Variants in ALPK3 observed in about 807,000 individuals in gnomAD.
ALPK3 encodes the protein alpha kinase 3.
Under a neutral mutation model 140.0 loss-of-function variants are expected in ALPK3, and 102 were observed. The observed-to-expected ratio is 0.73, with a 90% CI of 0.62 to 0.86. The LOEUF (loss-of-function observed/expected upper bound fraction) is 0.86, where lower values mean the gene tolerates loss of function less well. Among genes scored for constraint, ALPK3 ranks in the 40% least tolerant of loss-of-function variants. The pLI is 0.00. For missense variants in ALPK3, 2,254 were observed against 2,208.2 expected (o/e 1.02, Z -0.42); for synonymous variants, 938 against 898.5 (o/e 1.04, Z -0.79).
Position 84,842,836 on chromosome 15 carries a change from A to T in ALPK3, c.1653+1904A>T, listed in dbSNP as rs57395173. Among the ~76,000 whole-genome samples, 695 of 152,244 alleles carry T rather than the reference A, an allele frequency of 4.6e-3. 10 individuals carry two copies. The highest frequency in any genetic ancestry group is 0.016 in the African/African-American group (662 of 41,522). On this transcript the variant is annotated intron_variant, in intron 5 of 13. Coordinates refer to ENST00000258888, the MANE Select transcript of ALPK3 (RefSeq NM_020778.5). ...GTCTCCTGTAGTTTTGGCCACTGGA[A>T]TGGTAAGTTCACAGTGGCCCGGGGA... is the stretch of plus-strand genomic sequence containing the variant.
At chr15:84,841,887 C>T (rs1963671125) in intron 5 of ALPK3, among the ~76,000 whole-genome samples, 1 of 152,098 alleles carries the variant, frequency 6.6e-6, no homozygotes, top group Admixed American at 6.5e-5. Context: ...GACAGTGTTT[C>T]TTATGAGTGG....
chr15:84,823,560 C>A (rs760079200), intron 2 of ALPK3, among the ~76,000 whole-genome samples, 192 bp downstream of exon 2: 1 of 152,092 alleles, frequency 6.6e-6, no homozygotes, highest in Non-Finnish European at 1.5e-5. Context: ...TTGATGCTTG[C>A]ATGGGCCATT....
intron 3 of ALPK3, among the ~76,000 whole-genome samples, chr15:84,832,635 G>A (rs184915153): frequency 1.4e-4 from 22 of 152,174 alleles, no homozygotes; most frequent in African/African-American, 4.8e-4. Context: ...CAACAAGATC[G>A]TGACATCTAC....
intron 5 of ALPK3, among the ~76,000 whole-genome samples, chr15:84,854,477 G>A (rs1319213792): frequency 6.6e-6 from 1 of 152,044 alleles, no homozygotes; most frequent in Non-Finnish European, 1.5e-5. Context: ...AGTAGAAATG[G>A]GGTTTTACTA....
intron 5 of ALPK3, among the ~76,000 whole-genome samples, chr15:84,855,846 G>A (rs1031237480): frequency 2.6e-5 from 4 of 152,232 alleles, no homozygotes; most frequent in African/African-American, 9.6e-5. Context: ...TGGCATAGAT[G>A]CCATTCAGAA....
chr15:84,859,664 A>G (rs1196945856), intron 7 of ALPK3, 112 bp from the exon 8 acceptor site: 3 of 1,428,498 alleles, frequency 2.1e-6, no homozygotes, highest in Admixed American at 2.7e-5. Flanking sequence ...GCTTCCCCAA[A>G]GCTCTCAGAG....
At chr15:84,848,253 A>G (rs1229937095) in intron 5 of ALPK3, among the ~76,000 whole-genome samples, 1 of 152,066 alleles carries the variant, frequency 6.6e-6, no homozygotes. Flanking sequence ...AAAGTAAAAA[A>G]AAAAAATTAC....
chr15:84,847,223 GA>G (rs1963742323), intron 5 of ALPK3, among the ~76,000 whole-genome samples: 5 of 149,778 alleles, frequency 3.3e-5, no homozygotes, highest in African/African-American at 1.2e-4. Context: ...GAGAGAGAGA[GA>G]GAGAGAGAGA....
chr15:84,851,055 T>G (rs891578843), intron 5 of ALPK3, among the ~76,000 whole-genome samples: 1 of 152,152 alleles, frequency 6.6e-6, no homozygotes, highest in African/African-American at 2.4e-5. Flanking sequence ...ATTCACAGAT[T>G]AGCAGATGAC....
At position 84,840,388 on chromosome 15, in the gene ALPK3, C is replaced by T; in HGVS notation, c.1109C>T (p.Pro370Leu). 2 of 1,613,856 alleles carry T rather than the reference C, an allele frequency of 1.2e-6. No individual in the cohort carries two copies. The highest frequency in any genetic ancestry group is 8.5e-7 in the Non-Finnish European group (1 of 1,179,870). The change falls in exon 5 of 14, where the codon CCC becomes CTC. Residue 370 changes from proline (P) to leucine (L), a missense_variant. Coordinates refer to ENST00000258888, the MANE Select transcript of ALPK3 (RefSeq NM_020778.5). Reference sequence around the variant, plus strand: ...GGCGTGGAGCAGGTTCAGACCCAGCCCAGAGGCAGGGCTGCACGGGGGCCT... The same window carrying T: ...GGCGTGGAGCAGGTTCAGACCCAGCTCAGAGGCAGGGCTGCACGGGGGCCT... ...PVGVEQVQTQ[P>L]RGRAARGPGS...
intron 3 of ALPK3, among the ~76,000 whole-genome samples, chr15:84,837,738 C>A (rs1467290863): frequency 3.9e-5 from 6 of 152,208 alleles, no homozygotes; most frequent in Non-Finnish European, 8.8e-5. Flanking sequence ...AGGAATGGAA[C>A]TAGTACTTGG....
Position 84,839,756 on chromosome 15 carries a change from C to G in ALPK3, c.477C>G (p.Gly159=), listed in dbSNP as rs372095639. The part of the protein sequence containing the change: ...IYQASAQNSK[G]IVSCSGVLEV... The stretch of plus-strand genomic sequence containing the variant: ...AGGCCTCTGCCCAGAACAGCAAGGG[C>G]ATTGTGTCCTGCTCAGGGGTCCTGG... Residue 159 remains glycine, a synonymous_variant, in exon 5 of 14, where the codon GGC becomes GGG. Coordinates refer to ENST00000258888, the MANE Select transcript of ALPK3 (RefSeq NM_020778.5). 1 of 1,614,156 alleles carries G rather than the reference C, an allele frequency of 6.2e-7. No individual in the cohort carries two copies. Among genetic ancestry groups the G allele is most frequent in the Non-Finnish European group, 8.5e-7 (1 of 1,180,012 alleles).
At chr15:84,822,078 A>G (rs1338322032) in intron 1 of ALPK3, among the ~76,000 whole-genome samples, 1 of 151,898 alleles carries the variant, frequency 6.6e-6, no homozygotes, top group African/African-American at 2.4e-5. Flanking sequence ...ACACTGGGGG[A>G]CTGCAGCATT....
chr15:84,852,673 A>G (rs1301642886), intron 5 of ALPK3: 5 of 198,048 alleles, frequency 2.5e-5, no homozygotes, highest in Non-Finnish European at 5.2e-5. Flanking sequence ...TCAGACCAAG[A>G]TTGGCCACAG....
Position 84,827,428 on chromosome 15 carries a change from G to T in ALPK3, c.183-56G>T, listed in dbSNP as rs571240454. On this transcript the variant is annotated intron_variant, in intron 2 of 13. Transcript: ENST00000258888. ...ACGGAAGCTGCCTTGGACAGGCCAG[G>T]CTGTGCTGTTTGTTGTGGGGAAGGC... The T allele has an allele frequency of 2.1e-5, 34 of 1,609,594 alleles. No individual in the cohort carries two copies. In the South Asian group the frequency reaches 3.3e-4, roughly 16 times the overall value.
At chr15:84,836,658 G>A (rs1963600380) in intron 3 of ALPK3, among the ~76,000 whole-genome samples, 1 of 152,238 alleles carries the variant, frequency 6.6e-6, no homozygotes, top group Non-Finnish European at 1.5e-5. Context: ...AGCTTGGATG[G>A]GACATGGTAA....
chr15:84,859,112 G>C, intron 6 of ALPK3, 131 bp from the exon 7 acceptor site: 5 of 1,266,414 alleles, frequency 3.9e-6, no homozygotes, highest in Non-Finnish European at 5.4e-6. Flanking sequence ...CCGGGGGGCT[G>C]TGAGTGGTAG....
intron 4 of ALPK3, among the ~76,000 whole-genome samples, 186 bp downstream of exon 4, chr15:84,839,283 C>T (rs994795202): frequency 6.6e-6 from 1 of 152,210 alleles, no homozygotes; most frequent in African/African-American, 2.4e-5. Context: ...TCTGGGAGCT[C>T]CTAAGGCCAG....
At position 84,868,416 on chromosome 15, in the gene ALPK3, C is replaced by T. The variant is rs1964028002; in HGVS notation, c.5078C>T (p.Pro1693Leu). The change falls in exon 14 of 14, where the codon CCC (proline) becomes CTC (leucine). Residue 1693 changes from proline to leucine, a missense_variant. By Grantham distance (98) the Pro-to-Leu change is moderately conservative. Coordinates refer to ENST00000258888, the MANE Select transcript of ALPK3 (RefSeq NM_020778.5). ...PVTTQLLGQP[P>L]TQEEGSKAQG... ...ACCACTCAGTTGTTGGGACAGCCTC[C>T]CACCCAAGAGGAGGGCTCCAAGGCC... 1 of 1,611,970 alleles carries T rather than the reference C, an allele frequency of 6.2e-7. No individual in the cohort carries two copies. Among genetic ancestry groups the T allele is most frequent in the Admixed American group, 1.7e-5 (1 of 60,002 alleles).
Sources: gnomAD v4.1 joint callset for allele counts (sites outside exome capture counted in the v4.1 genomes callset) on GRCh38, gnomAD v4.1.1 for gene constraint, MANE v1.5 for transcripts, NCBI Gene and HGNC (gene_info 2026-07-23, HGNC 2026-07-21) for gene names.